TOPAZ1: variants seen among roughly 807,000 people sequenced by gnomAD.
TOPAZ1 encodes the protein protein TOPAZ1.
A neutral mutation model predicts 172.2 loss-of-function variants in TOPAZ1; 66 were observed. The observed-to-expected ratio is 0.38, with a 90% CI of 0.31 to 0.47. The LOEUF (loss-of-function observed/expected upper bound fraction) is 0.47, where lower values mean the gene tolerates loss of function less well. Ranked by LOEUF, TOPAZ1 falls within the 20% of genes least tolerant of loss-of-function variation. The probability of loss-of-function intolerance (pLI) is 0.99; values close to 1 mark genes in which losing one functional copy is unlikely to be tolerated. For missense variants in TOPAZ1, 1,822 were observed against 1,972.4 expected (o/e 0.92, Z 1.44); for synonymous variants, 681 against 683.9 (o/e 1.00, Z 0.07).
Position 44,321,043 on chromosome 3 carries a change from C to T in TOPAZ1, c.4323C>T (p.Ile1441=). 1.3e-6 allele frequency: 2 copies of T among 1,546,600 alleles called. No individual in the cohort carries two copies. The highest frequency in any genetic ancestry group is 1.7e-6 in the Non-Finnish European group (2 of 1,144,696). ...IWVMRESEWI[I]NTPLWPCDRL... ...TTTTGGAAGAGTCAGAGTGGATAAT[C>T]AATACGCCTCTGTGGCCTTGTGATA... Residue 1441 remains isoleucine (I), a synonymous_variant, in exon 17 of 20, where the codon ATC becomes ATT. Transcript: ENST00000309765.
At chr3:44,257,352 G>GGGGGTGTGT (rs1264696203) in intron 4 of TOPAZ1, among the ~76,000 whole-genome samples, 1 of 110,386 alleles carries the variant, frequency 9.1e-6, no homozygotes, top group African/African-American at 3.9e-5. Context: ...AAAACATAGG[G>GGGGGTGTGT]GTGTGTGTGT....
intron 4 of TOPAZ1, among the ~76,000 whole-genome samples, chr3:44,261,307 G>A (rs549767888): frequency 2.6e-5 from 4 of 152,050 alleles, no homozygotes; most frequent in Non-Finnish European, 5.9e-5. Flanking sequence ...TTACATTTAA[G>A]TTTTTAACCA....
chr3:44,323,316 T>G, intron 18 of TOPAZ1, 21 bp downstream of exon 18: 1 of 1,461,284 alleles, frequency 6.8e-7, no homozygotes, highest in Non-Finnish European at 9.3e-7. Flanking sequence ...TTTAAAATGT[T>G]TTAATATATT....
At position 44,281,996 on chromosome 3, in the gene TOPAZ1, T is replaced by C. The variant is rs1042025484; in HGVS notation, c.3401T>C (p.Ile1134Thr). Residue 1134 changes from isoleucine to threonine, a missense_variant, in exon 9 of 20, where the codon ATA (isoleucine) becomes ACA (threonine). Physicochemically the swap from Ile to Thr is moderately conservative, Grantham distance 89 (BLOSUM62 -1). Coordinates refer to ENST00000309765, the MANE Select transcript of TOPAZ1 (RefSeq NM_001145030.2). ...KVCMDVFKKYININELCLLQR... is the reference protein window; with the variant it reads ...KVCMDVFKKYTNINELCLLQR... ...TGCATGGATGTGTTTAAGAAATATA[T>C]AAATATCAATGAACTGTGTTTGCTA... The C allele has an allele frequency of 5.2e-6, 8 of 1,547,838 alleles. No homozygotes were observed. Among genetic ancestry groups the C allele is most frequent in the African/African-American group, 1.4e-5 (1 of 73,034 alleles).
intron 4 of TOPAZ1, among the ~76,000 whole-genome samples, chr3:44,259,655 G>A (rs1354639859): frequency 1.3e-5 from 2 of 152,150 alleles, no homozygotes; most frequent in African/African-American, 4.8e-5. Context: ...AAGTGGAGTT[G>A]TCAAATTGTC....
At chr3:44,258,976 A>G (rs1699746033) in intron 4 of TOPAZ1, among the ~76,000 whole-genome samples, 1 of 152,192 alleles carries the variant, frequency 6.6e-6, no homozygotes, top group Non-Finnish European at 1.5e-5. Context: ...TTTGGAATCC[A>G]CGTTACATAC....
Position 44,305,282 on chromosome 3 carries a change from G to T in TOPAZ1, c.4000G>T (p.Glu1334Ter). 1 of 1,542,984 alleles carries T rather than the reference G, an allele frequency of 6.5e-7. No individual in the cohort carries two copies. Among genetic ancestry groups the T allele is most frequent in the South Asian group, 1.2e-5 (1 of 81,334 alleles). Residue 1334 changes from glutamate (E) to a stop codon, truncating the protein, a stop_gained, in exon 14 of 20, where the codon GAA (glutamate) becomes TAA (stop). Transcript: ENST00000309765. LOFTEE classifies it high-confidence loss of function. ...AACACTCACAAAAAACTATGAAGAT[G>T]AAAGACCAGATATTCCCTTTTGTGA... ...AETLTKNYED[E>*]RPDIPFCEFA...
intron 8 of TOPAZ1, among the ~76,000 whole-genome samples, chr3:44,276,704 AG>A (rs1342237892): frequency 1.2e-5 from 1 of 86,944 alleles, no homozygotes; most frequent in Non-Finnish European, 2.2e-5. Flanking sequence ...TGTGAATTTT[AG>A]GGTTGTTTTT....
At chr3:44,291,343 C>T (rs1216085657) in intron 12 of TOPAZ1, among the ~76,000 whole-genome samples, 1 of 150,806 alleles carries the variant, frequency 6.6e-6, no homozygotes, top group African/African-American at 2.4e-5. Flanking sequence ...TGGCTCACGC[C>T]TGTAATCCCA....
intron 18 of TOPAZ1, among the ~76,000 whole-genome samples, chr3:44,328,001 C>T (rs745361586): frequency 5.9e-5 from 9 of 152,218 alleles, no homozygotes; most frequent in Non-Finnish European, 1.2e-4. Flanking sequence ...GCCTCAGCCT[C>T]CCAAAGTGCT....
chr3:44,309,720 A>T, intron 15 of TOPAZ1, 105 bp from the exon 16 acceptor site: 1 of 822,896 alleles, frequency 1.2e-6, no homozygotes, highest in Non-Finnish European at 1.9e-6. Flanking sequence ...CCAGCAGTCT[A>T]GGATGATGAT....
intron 8 of TOPAZ1, among the ~76,000 whole-genome samples, chr3:44,271,677 T>C (rs1427582400): frequency 6.6e-6 from 1 of 152,132 alleles, no homozygotes; most frequent in Non-Finnish European, 1.5e-5. Context: ...GATGTTTTGA[T>C]TTATGAATAT....
At chr3:44,259,177 T>A (rs1699747929) in intron 4 of TOPAZ1, among the ~76,000 whole-genome samples, 2 of 152,176 alleles carry the variant, frequency 1.3e-5, no homozygotes, top group South Asian at 4.1e-4. Flanking sequence ...GGCCTGCCCT[T>A]GGGTATACAG....
At chr3:44,315,557 G>A (rs1700442929) in intron 16 of TOPAZ1, among the ~76,000 whole-genome samples, 1 of 135,450 alleles carries the variant, frequency 7.4e-6, no homozygotes, top group Admixed American at 7.9e-5. Context: ...TTTTTTAGTA[G>A]GACAGGGTTT....
chr3:44,245,213 T>C lies in TOPAZ1; in HGVS notation c.2707T>C (p.Ser903Pro). The change falls in exon 2 of 20, where the codon TCA becomes CCA. Residue 903 changes from serine to proline, a missense_variant. By Grantham distance (74) the Ser-to-Pro change is moderately conservative. Coordinates refer to ENST00000309765, the MANE Select transcript of TOPAZ1 (RefSeq NM_001145030.2). ...GCCCAATGTTGCTGGAGAGCACCAATCAACAGACTCCAAGTACATGGAAAC... is the reference window on the plus strand; with the variant it reads ...GCCCAATGTTGCTGGAGAGCACCAACCAACAGACTCCAAGTACATGGAAAC... Reference protein sequence around the residue: ...QEPNVAGEHQSTDSKYMETPV... With the variant: ...QEPNVAGEHQPTDSKYMETPV... 6.4e-7 allele frequency: 1 copy of C among 1,550,652 alleles called. No individual in the cohort carries two copies. Among genetic ancestry groups the C allele is most frequent in the Non-Finnish European group, 8.7e-7 (1 of 1,146,788 alleles).
chr3:44,273,912 C>G (rs1298906600), intron 8 of TOPAZ1, among the ~76,000 whole-genome samples: 2 of 152,170 alleles, frequency 1.3e-5, no homozygotes, highest in Non-Finnish European at 2.9e-5. Context: ...TCATGAGTGA[C>G]TTACCATATA....
chr3:44,333,014 G>A (rs1254077617), downstream of TOPAZ1, among the ~76,000 whole-genome samples: 26 of 150,774 alleles, frequency 1.7e-4, no homozygotes, highest in African/African-American at 6.3e-4. Flanking sequence ...TTTTGAGATG[G>A]GGTTTTGCTA....
At chr3:44,257,252 CTT>C (rs1699715804) in intron 4 of TOPAZ1, among the ~76,000 whole-genome samples, 1 of 151,584 alleles carries the variant, frequency 6.6e-6, no homozygotes, top group African/African-American at 2.4e-5. Context: ...GGGAGGATAA[CTT>C]GAGCCTGGGA....
chr3:44,332,907 T>TC (rs1173087926), downstream of TOPAZ1, among the ~76,000 whole-genome samples: 1 of 151,424 alleles, frequency 6.6e-6, no homozygotes, highest in Non-Finnish European at 1.5e-5. Flanking sequence ...CAAGCAGTCC[T>TC]CCCATCTCAG....
Sources: allele counts gnomAD v4.1 joint callset (sites outside exome capture counted in the v4.1 genomes callset), GRCh38; gene constraint gnomAD v4.1.1; transcripts MANE v1.5; gene names NCBI Gene and HGNC (gene_info 2026-07-23, HGNC 2026-07-21).